The following PCSK5 variants were observed in gnomAD, a reference collection of about 807,000 sequenced individuals.
PCSK5 encodes the protein prohormone convertase 5.
Under a neutral mutation model 233.2 loss-of-function variants are expected in PCSK5, and 129 were observed. That is an observed-to-expected ratio of 0.55 (90% CI 0.48 to 0.64). The LOEUF (loss-of-function observed/expected upper bound fraction) is 0.64. PCSK5 is among the 30% of genes least tolerant of loss of function. The probability of loss-of-function intolerance (pLI) is 0.00; values close to 1 mark genes in which losing one functional copy is unlikely to be tolerated. For synonymous variants in PCSK5, 825 were observed against 879.2 expected, an observed-to-expected ratio of 0.94 and a Z score of 1.09; for missense variants, 2,076 against 2,430.1, an observed-to-expected ratio of 0.85 and a Z score of 3.06.
At chr9:76,274,565 T>C (rs1827630249) in intron 24 of PCSK5, among the ~76,000 whole-genome samples, 1 of 150,982 alleles carries the variant, frequency 6.6e-6, no homozygotes, top group Admixed American at 6.6e-5. Context: ...AAGATTTGCA[T>C]TTCCTTCTGT....
At chr9:76,028,947 C>T (rs1828543821) in intron 5 of PCSK5, among the ~76,000 whole-genome samples, 1 of 152,124 alleles carries the variant, frequency 6.6e-6, no homozygotes, top group African/African-American at 2.4e-5. Flanking sequence ...ATAATTTTCT[C>T]AGTTATAATT....
intron 24 of PCSK5, among the ~76,000 whole-genome samples, chr9:76,286,137 G>T (rs1317914526): frequency 1.3e-5 from 2 of 152,052 alleles, no homozygotes; most frequent in Non-Finnish European, 2.9e-5. Context: ...TTTCCTGCAG[G>T]TCATTTTTCC....
chr9:76,054,189 A>T (rs1829740382), intron 5 of PCSK5, among the ~76,000 whole-genome samples: 1 of 152,186 alleles, frequency 6.6e-6, no homozygotes, highest in Admixed American at 6.5e-5. Flanking sequence ...CCCTCCGAGG[A>T]TGCATGGGGA....
intron 7 of PCSK5, among the ~76,000 whole-genome samples, chr9:76,081,170 A>T (rs1054674116): frequency 6.6e-6 from 1 of 152,154 alleles, no homozygotes; most frequent in African/African-American, 2.4e-5. Context: ...AAAGCATATT[A>T]AGGCTGGGTG....
rs370753568 is a variant in PCSK5 at position 76,179,746 on chromosome 9, T to C, written c.2003+48T>C. On this transcript the variant is annotated intron_variant, in intron 15 of 37. Coordinates refer to ENST00000674117, the MANE Select transcript of PCSK5 (RefSeq NM_001372043.1). ...TCCCCACAGCATGTGCCAGGCATCT[T>C]AGGAGTTCCTGCAAGGCTAATACCA... 1.1e-4 allele frequency: 151 copies of C among 1,313,384 alleles called. 1 individual carries two copies. Among genetic ancestry groups the C allele is most frequent in the Non-Finnish European group, 1.6e-4 (141 of 908,266 alleles). 81.4% of individuals were successfully genotyped at this position (1,313,384 alleles called of 1,614,324 possible).
chr9:75,934,602 A>G (rs1433246079), intron 2 of PCSK5, among the ~76,000 whole-genome samples: 1 of 151,494 alleles, frequency 6.6e-6, no homozygotes, highest in Non-Finnish European at 1.5e-5. Flanking sequence ...TTTTTTTTAA[A>G]CAGAGTCTCA....
intron 24 of PCSK5, among the ~76,000 whole-genome samples, chr9:76,255,921 C>T (rs1826968306): frequency 6.6e-6 from 1 of 152,196 alleles, no homozygotes; most frequent in Admixed American, 6.5e-5. Flanking sequence ...TAAAGTTACA[C>T]AGCTAGCAAG....
intron 2 of PCSK5, among the ~76,000 whole-genome samples, chr9:75,974,272 A>C (rs1391532242): frequency 6.6e-6 from 1 of 152,180 alleles, no homozygotes; most frequent in Non-Finnish European, 1.5e-5. Flanking sequence ...CGGGAGCTCC[A>C]GCCGGTGCAC....
chr9:76,328,583 C>G (rs1043231717), intron 33 of PCSK5, among the ~76,000 whole-genome samples: 1 of 152,088 alleles, frequency 6.6e-6, no homozygotes, highest in East Asian at 1.9e-4. Flanking sequence ...ACATATTTTT[C>G]GAAGCCATTT....
At chr9:75,991,537 A>G (rs1826767911) in intron 3 of PCSK5, among the ~76,000 whole-genome samples, 1 of 152,126 alleles carries the variant, frequency 6.6e-6, no homozygotes. Context: ...ACTATTTTCT[A>G]TTTGGAAAGC....
chr9:75,993,012 G>A (rs963947133), intron 3 of PCSK5, among the ~76,000 whole-genome samples: 2 of 152,116 alleles, frequency 1.3e-5, no homozygotes, highest in Non-Finnish European at 2.9e-5. Context: ...ATGGTGTTCA[G>A]TACTCCAAGA....
At chr9:76,186,855 G>T (rs747297107) in intron 17 of PCSK5, among the ~76,000 whole-genome samples, 1 of 152,000 alleles carries the variant, frequency 6.6e-6, no homozygotes, top group East Asian at 1.9e-4. Context: ...AAATGACAGC[G>T]CTCTCTCTCT....
At position 76,040,361 on chromosome 9, in the gene PCSK5, CTCTCTCTCTCTCTCTCTCTCTCTG is replaced by C. The variant is rs1172531315; in HGVS notation, c.632+13348_632+13371del. 9.6e-3 allele frequency among the ~76,000 whole-genome samples: 551 copies of C among 57,692 alleles called. 50 individuals carry two copies. The highest frequency in any genetic ancestry group is 0.028 in the South Asian group (33 of 1,186). The allele number at this position is 57,692 out of a possible 152,430, so 37.8% of individuals were successfully genotyped here. On this transcript the variant is annotated intron_variant, in intron 5 of 37. Coordinates refer to ENST00000674117, the MANE Select transcript of PCSK5 (RefSeq NM_001372043.1). Reference sequence around the variant, plus strand: ...TCTCTCTCTCTCTCTCTCTCTCTCTCTCTCTCTCTCTCTCTCTCTCTCTGTCTCTCTCTCTCTCTCTCTCTCTCT... The same window carrying C: ...TCTCTCTCTCTCTCTCTCTCTCTCTCTCTCTCTCTCTCTCTCTCTCTCTCT...
chr9:75,930,574 G>A (rs2131277847), intron 1 of PCSK5, among the ~76,000 whole-genome samples: 1 of 152,258 alleles, frequency 6.6e-6, no homozygotes, highest in African/African-American at 2.4e-5. Context: ...GAGGGCAAAG[G>A]GAATCCACTA....
intron 14 of PCSK5, among the ~76,000 whole-genome samples, chr9:76,178,134 T>C (rs1270500472): frequency 6.6e-6 from 1 of 152,118 alleles, no homozygotes; most frequent in Non-Finnish European, 1.5e-5. Context: ...AGATCACAGC[T>C]GGCTGAACTT....
At chr9:75,943,572 TATCA>T (rs778704431) in intron 2 of PCSK5, among the ~76,000 whole-genome samples, 8 of 152,122 alleles carry the variant, frequency 5.3e-5, no homozygotes, top group Non-Finnish European at 1.2e-4. Context: ...TTCTTCCAAT[TATCA>T]ATCAGTTCTT....
chr9:76,326,096 C>T (rs3001773), intron 32 of PCSK5, among the ~76,000 whole-genome samples: 6,600 of 152,136 alleles, frequency 0.043, 167 homozygotes, highest in South Asian at 0.075. Flanking sequence ...CAATCTCAGC[C>T]GGACACGGTG....
At chr9:75,998,606 G>T (rs137895853) in intron 3 of PCSK5, among the ~76,000 whole-genome samples, 1 of 152,234 alleles carries the variant, frequency 6.6e-6, no homozygotes, top group East Asian at 1.9e-4. Context: ...GAAACGTAAC[G>T]TCACTTGGTC....
chr9:75,958,863 C>G (rs1386864083), intron 2 of PCSK5, among the ~76,000 whole-genome samples: 1 of 152,188 alleles, frequency 6.6e-6, no homozygotes, highest in East Asian at 1.9e-4. Flanking sequence ...TTGTATTTAT[C>G]CATTCATTCA....
Sources: gnomAD v4.1 joint callset for allele counts (sites outside exome capture counted in the v4.1 genomes callset) on GRCh38, gnomAD v4.1.1 for gene constraint, MANE v1.5 for transcripts, NCBI Gene and HGNC (gene_info 2026-07-23, HGNC 2026-07-21) for gene names.